AR: variants seen among roughly 807,000 people sequenced by gnomAD.
AR encodes the protein androgen receptor.
AR carries 8 observed loss-of-function variants against 53.9 expected under a neutral mutation model. That is an observed-to-expected ratio of 0.15 (90% CI 0.09 to 0.27). The LOEUF is 0.27. Ranked by LOEUF, AR falls within the 10% of genes least tolerant of loss-of-function variation. AR has a pLI of 1.00. For synonymous variants in AR, 359 were observed against 316.4 expected (o/e 1.13, Z -1.43); for missense variants, 639 against 742.5 (o/e 0.86, Z 1.62).
intron 4 of AR, among the ~76,000 whole-genome samples, chrX:67,717,142 A>T (rs190146971): frequency 8.9e-6 from 1 of 112,103 alleles, no homozygotes; most frequent in East Asian, 2.8e-4. Flanking sequence ...TAATTTTTTT[A>T]AAAAAGAGCA....
intron 3 of AR, among the ~76,000 whole-genome samples, chrX:67,698,293 A>T (rs937403954): frequency 7.1e-5 from 8 of 112,298 alleles, no homozygotes; most frequent in African/African-American, 2.6e-4. Flanking sequence ...CTCTAATCCT[A>T]GTAGATGGAA....
chrX:67,545,561 G>T lies in AR; in HGVS notation c.415G>T (p.Val139Leu), dbSNP rs1264061748. 8.5e-7 allele frequency: 1 copy of T among 1,179,725 alleles called. No individual in the cohort carries two copies. The highest frequency in any genetic ancestry group is 2.4e-5 in the Admixed American group (1 of 41,221). Residue 139 changes from valine to leucine, a missense_variant, in exon 1 of 8, where the codon GTG becomes TTG. Physicochemically the swap from Val to Leu is conservative, Grantham distance 32. Transcript: ENST00000374690. ...RGCVPEPGAA[V>L]AASKGLPQQL... ...TTGCGTCCCAGAGCCTGGAGCCGCC[G>T]TGGCCGCCAGCAAGGGGCTGCCGCA...
intron 3 of AR, among the ~76,000 whole-genome samples, chrX:67,690,843 G>A (rs1005833404): frequency 3.6e-5 from 4 of 111,748 alleles, no homozygotes; most frequent in Admixed American, 9.5e-5. Flanking sequence ...AAGGTAAAGC[G>A]TACAGTTTGA....
At chrX:67,615,230 T>G (rs746022713) in intron 1 of AR, among the ~76,000 whole-genome samples, 1 of 110,844 alleles carries the variant, frequency 9.0e-6, no homozygotes, top group Admixed American at 9.6e-5. Flanking sequence ...TCAAAGAAAA[T>G]TTTTTTAAAA....
chrX:67,660,577 CTGTTT>C (rs769655621), intron 2 of AR, among the ~76,000 whole-genome samples: 18 of 111,561 alleles, frequency 1.6e-4, no homozygotes, highest in African/African-American at 5.9e-4. Flanking sequence ...GTCTATATCT[CTGTTT>C]TGGTACCAGT....
chrX:67,696,739 C>G (rs1380622746), intron 3 of AR, among the ~76,000 whole-genome samples: 2 of 111,268 alleles, frequency 1.8e-5, no homozygotes, highest in Non-Finnish European at 3.8e-5. Flanking sequence ...CACTCCATAC[C>G]TGCCAAGGAT....
At chrX:67,583,375 C>T (rs749560083) in intron 1 of AR, among the ~76,000 whole-genome samples, 2 of 111,960 alleles carry the variant, frequency 1.8e-5, no homozygotes, top group East Asian at 5.6e-4. Context: ...ATCTTCAGTT[C>T]TGTTGCAAAG....
intron 1 of AR, among the ~76,000 whole-genome samples, chrX:67,628,474 G>C (rs1416435904): frequency 1.9e-5 from 2 of 107,779 alleles, no homozygotes; most frequent in South Asian, 4.3e-4. Context: ...TGTGATTTTT[G>C]TACATTGATT....
intron 1 of AR, among the ~76,000 whole-genome samples, chrX:67,590,482 A>G (rs1178574894): frequency 1.8e-5 from 2 of 112,160 alleles, no homozygotes; most frequent in Middle Eastern, 4.2e-3. Flanking sequence ...ACTACCTCAC[A>G]GATATTGATA....
chrX:67,683,225 C>A (rs1211283825), intron 2 of AR, among the ~76,000 whole-genome samples: 3 of 111,694 alleles, frequency 2.7e-5, no homozygotes, highest in African/African-American at 9.8e-5. Context: ...GCAATGTTAA[C>A]TACCTTGAGT....
At chrX:67,630,965 GC>G (rs1220825301) in intron 1 of AR, among the ~76,000 whole-genome samples, 9 of 110,854 alleles carry the variant, frequency 8.1e-5, no homozygotes, top group Non-Finnish European at 1.5e-4. Flanking sequence ...TTGAATATTG[GC>G]CCCTACTCTC....
At chrX:67,684,746 A>G (rs889127348) in intron 2 of AR, among the ~76,000 whole-genome samples, 1 of 112,268 alleles carries the variant, frequency 8.9e-6, no homozygotes, top group Non-Finnish European at 1.9e-5. Flanking sequence ...TGACCTGGTT[A>G]CTACTGAACC....
intron 5 of AR, among the ~76,000 whole-genome samples, chrX:67,717,863 A>G (rs1406897707): frequency 8.9e-6 from 1 of 112,553 alleles, no homozygotes; most frequent in Non-Finnish European, 1.9e-5. Flanking sequence ...AATCCTAGTC[A>G]TATTTCTGGT....
intron 1 of AR, among the ~76,000 whole-genome samples, chrX:67,640,982 T>C (rs1925732820): frequency 9.0e-6 from 1 of 111,373 alleles, no homozygotes; most frequent in African/African-American, 3.3e-5. Flanking sequence ...AGATAGTAGT[T>C]TCTTAGGGCC....
chrX:67,695,121 G>T, intron 3 of AR: 1 of 765,528 alleles, frequency 1.3e-6, no homozygotes, highest in Non-Finnish European at 1.5e-6. Flanking sequence ...GTGGTGTGCT[G>T]CCAGGAAGAA....
intron 1 of AR, among the ~76,000 whole-genome samples, chrX:67,582,359 T>A (rs890215647): frequency 8.0e-5 from 9 of 111,933 alleles, no homozygotes; most frequent in African/African-American, 2.9e-4. Context: ...TGCATCACAT[T>A]GATCAGGAGA....
rs746528414 is a variant in AR, at chrX:67,728,189, CTAA to C, written c.*4354_*4356del. On this transcript the variant is annotated 3_prime_UTR_variant, in exon 8 of 8. Coordinates refer to ENST00000374690, the MANE Select transcript of AR (RefSeq NM_000044.6). ...AAGAGCTTTGTGGGTTTTTTTTTCC[CTAA>C]TAATATACATGTTTAGAAGAATTGA... 35 of 167,903 alleles carry C rather than the reference CTAA, an allele frequency of 2.1e-4. No homozygotes were observed. Among genetic ancestry groups the C allele is most frequent in the Non-Finnish European group, 3.3e-4 (29 of 88,889 alleles). 13.8% of individuals were successfully genotyped at this position (167,903 alleles called of 1,213,427 possible).
intron 2 of AR, among the ~76,000 whole-genome samples, chrX:67,646,802 A>G (rs770195395): frequency 9.0e-6 from 1 of 111,126 alleles, no homozygotes; most frequent in Non-Finnish European, 1.9e-5. Context: ...AATTACAAAC[A>G]TAATCATCAT....
At chrX:67,609,005 A>G (rs1316727187) in intron 1 of AR, among the ~76,000 whole-genome samples, 3 of 110,652 alleles carry the variant, frequency 2.7e-5, no homozygotes, top group Non-Finnish European at 5.7e-5. Context: ...CACAAGTTAA[A>G]TACTCAATAG....
Sources: gnomAD v4.1 joint callset for allele counts (sites outside exome capture counted in the v4.1 genomes callset) on GRCh38, gnomAD v4.1.1 for gene constraint, MANE v1.5 for transcripts, NCBI Gene and HGNC (gene_info 2026-07-23, HGNC 2026-07-21) for gene names.